PUS7: variants seen among roughly 807,000 people sequenced by gnomAD.
PUS7 encodes pseudouridylate synthase 7 homolog.
In PUS7, 48 loss-of-function variants were observed where a neutral mutation model predicts 79.8. The ratio of observed to expected loss-of-function variants is 0.60; its 90% CI spans 0.48 to 0.76. The LOEUF is 0.76. PUS7 is among the 30% of genes least tolerant of loss of function. PUS7 has a pLI of 0.00. For missense variants in PUS7, 729 were observed against 797.6 expected, an observed-to-expected ratio of 0.91 and a Z score of 1.04; for synonymous variants, 286 against 272.2, an observed-to-expected ratio of 1.05 and a Z score of -0.50.
In PUS7 at chr7:105,508,303, A is replaced by C. The variant is rs1490351095; in HGVS notation, c.210T>G (p.Gly70=). ...RPPDTVSTGK[G]GKNSEAQLED... is the part of the protein sequence containing the mutation. ...CCAACTGAGCCTCAGAATTCTTTCC[A>C]CCTTTCCCAGTACTGACAGTGTCAG... The change falls in exon 2 of 16, where the codon GGT becomes GGG. Residue 70 remains glycine (G), a synonymous_variant. Coordinates refer to ENST00000469408, the MANE Select transcript of PUS7 (RefSeq NM_019042.5). The C allele has an allele frequency of 8.1e-6, 13 of 1,613,866 alleles. No individual in the cohort carries two copies. Among genetic ancestry groups the C allele is most frequent in the Non-Finnish European group, 1.1e-5 (13 of 1,180,008 alleles).
intron 7 of PUS7, among the ~76,000 whole-genome samples, chr7:105,486,300 G>A (rs564860289): frequency 3.0e-4 from 45 of 151,044 alleles, no homozygotes; most frequent in Non-Finnish European, 5.8e-4. Context: ...TAATCTGCCC[G>A]CCTTAGCCTC....
rs34249093 is a variant in PUS7, at chr7:105,508,871, T to TAAAAAAAAAAAAAA, written c.-32-341_-32-328dup. ...TGGGCGACAGAGTGAGACATTGTCTTAAAAAAAAAAAAAAAAAAAAAAAAA... is the reference window on the plus strand; with the variant it reads ...TGGGCGACAGAGTGAGACATTGTCTTAAAAAAAAAAAAAAAAAAAAAAAAAAAAAAAAAAAAAAA... On this transcript the variant is annotated intron_variant, in intron 1 of 15. Transcript: ENST00000469408. 7.1e-3 allele frequency among the ~76,000 whole-genome samples: 163 copies of TAAAAAAAAAAAAAA among 22,924 alleles called. 9 individuals carry two copies. Among genetic ancestry groups the TAAAAAAAAAAAAAA allele is most frequent in the Non-Finnish European group, 0.01 (131 of 12,516 alleles). The allele number at this position is 22,924 out of a possible 152,430, so 15.0% of individuals were successfully genotyped here.
chr7:105,505,776 T>C (rs940591676), intron 4 of PUS7, among the ~76,000 whole-genome samples, 179 bp downstream of exon 4: 26 of 152,200 alleles, frequency 1.7e-4, no homozygotes, highest in African/African-American at 6.3e-4. Context: ...CTATAGTTTA[T>C]CTGGGATACT....
At chr7:105,507,129 T>A (rs189007695) in intron 2 of PUS7, among the ~76,000 whole-genome samples, 1 of 152,138 alleles carries the variant, frequency 6.6e-6, no homozygotes, top group Admixed American at 6.6e-5. Context: ...CACTGCAACC[T>A]CCGCCTCCTG....
At position 105,471,403 on chromosome 7, in the gene PUS7, T is replaced by C. The variant is rs545279863; in HGVS notation, c.1238-555A>G. 5.3e-5 allele frequency among the ~76,000 whole-genome samples: 8 copies of C among 152,348 alleles called. No homozygotes were observed. In the South Asian group the frequency reaches 1.7e-3, roughly 32 times the overall value. On this transcript the variant is annotated intron_variant, in intron 10 of 15. Coordinates refer to ENST00000469408, the MANE Select transcript of PUS7 (RefSeq NM_019042.5). ...TATGTTTTAACAAAATAACCACAAG[T>C]AAAATGTTTTAGATTCTTATACACT... is the stretch of plus-strand genomic sequence containing the variant.
chr7:105,499,513 ATTAAT>A (rs1206301649), intron 5 of PUS7, among the ~76,000 whole-genome samples: 11 of 152,336 alleles, frequency 7.2e-5, no homozygotes, highest in African/African-American at 1.2e-4. Flanking sequence ...CAAAATATAA[ATTAAT>A]TTATCAGTAA....
chr7:105,489,744 A>G (rs1168185776), intron 7 of PUS7, among the ~76,000 whole-genome samples: 1 of 152,192 alleles, frequency 6.6e-6, no homozygotes, highest in East Asian at 1.9e-4. Flanking sequence ...AAGTAGTGGG[A>G]AAGAAGCCCA....
intron 5 of PUS7, among the ~76,000 whole-genome samples, chr7:105,500,293 TAAC>T (rs765015908): frequency 4.6e-5 from 7 of 151,958 alleles, no homozygotes; most frequent in African/African-American, 1.2e-4. Flanking sequence ...GGAAACTTCG[TAAC>T]AACAACAACA....
intron 6 of PUS7, among the ~76,000 whole-genome samples, chr7:105,492,434 C>T (rs1345119114): frequency 1.3e-5 from 2 of 151,910 alleles, no homozygotes; most frequent in Non-Finnish European, 2.9e-5. Context: ...AAGCAATTCT[C>T]CTGCTTCAGC....
rs1823842630 is a variant in PUS7 at position 105,470,791 on chromosome 7, G to A, written c.1295C>T (p.Thr432Ile). Residue 432 changes from threonine (T) to isoleucine (I), a missense_variant, in exon 11 of 16, where the codon ACT becomes ATT. Physicochemically the swap from Thr to Ile is moderately conservative, Grantham distance 89. Coordinates refer to ENST00000469408, the MANE Select transcript of PUS7 (RefSeq NM_019042.5). ...REEWAKTKDP[T>I]AALRKLPVKR... ...GACAGGTAGTTTTCTGAGGGCAGCA[G>A]TTGGGTCTTTGGTCTTTGCCCATTC... 1.2e-6 allele frequency: 2 copies of A among 1,612,512 alleles called. No individual in the cohort carries two copies. Among genetic ancestry groups the A allele is most frequent in the Non-Finnish European group, 1.7e-6 (2 of 1,178,698 alleles).
At chr7:105,458,693 CT>C (rs1823291639) in intron 15 of PUS7, among the ~76,000 whole-genome samples, 2 of 151,742 alleles carry the variant, frequency 1.3e-5, no homozygotes, top group South Asian at 4.2e-4. Context: ...CTGCCTCAGC[CT>C]CTCCAAGTAG....
chr7:105,499,355 T>C (rs946369099), intron 5 of PUS7, among the ~76,000 whole-genome samples: 1 of 152,170 alleles, frequency 6.6e-6, no homozygotes, highest in Non-Finnish European at 1.5e-5. Flanking sequence ...TGAGTCTCTA[T>C]GGATTCCTAC....
chr7:105,477,487 C>T (rs901754816), intron 9 of PUS7, among the ~76,000 whole-genome samples: 1 of 151,660 alleles, frequency 6.6e-6, no homozygotes, highest in African/African-American at 2.4e-5. Flanking sequence ...CGACCTCAAG[C>T]AATCCGCCAC....
At chr7:105,517,244 C>A (rs1267022319) in intron 1 of PUS7, among the ~76,000 whole-genome samples, 1 of 151,380 alleles carries the variant, frequency 6.6e-6, no homozygotes, top group Non-Finnish European at 1.5e-5. Context: ...GCAACCTCCA[C>A]CTCCTGGGTT....
At chr7:105,496,226 T>TATATATATAG (rs1197032072) in intron 5 of PUS7, among the ~76,000 whole-genome samples, 1 of 81,144 alleles carries the variant, frequency 1.2e-5, no homozygotes, top group East Asian at 4.0e-4. Flanking sequence ...TATATATATA[T>TATATATATAG]AGAGAGAGAG....
intron 9 of PUS7, among the ~76,000 whole-genome samples, chr7:105,477,744 T>C (rs148636729): frequency 1.3e-5 from 2 of 149,520 alleles, no homozygotes; most frequent in African/African-American, 4.9e-5. Flanking sequence ...TCACTCCCCA[T>C]TGGTCCTGTT....
At chr7:105,517,247 C>T (rs1052584247) in intron 1 of PUS7, among the ~76,000 whole-genome samples, 1 of 151,898 alleles carries the variant, frequency 6.6e-6, no homozygotes, top group Non-Finnish European at 1.5e-5. Flanking sequence ...ACCTCCACCT[C>T]CTGGGTTCAA....
chr7:105,493,806 A>C (rs966195825), intron 6 of PUS7, among the ~76,000 whole-genome samples: 5 of 152,350 alleles, frequency 3.3e-5, no homozygotes, highest in African/African-American at 9.6e-5. Context: ...GAAAAAAAAC[A>C]AACTTGCCGA....
chr7:105,462,757 T>C lies in PUS7; in HGVS notation c.1628-7A>G, dbSNP rs1184727497. ...TCCCTGTAGGCTTCTTGAACTAATA[T>C]AAAATACAAAAAGTTAGTTGAAATG... On this transcript the variant is annotated splice_polypyrimidine_tract_variant and splice_region_variant and intron_variant, in intron 13 of 15. Coordinates refer to ENST00000469408, the MANE Select transcript of PUS7 (RefSeq NM_019042.5). 2.5e-6 allele frequency: 4 copies of C among 1,604,602 alleles called. No homozygotes were observed. The African/African-American group carries it at 5.4e-5, about 22-fold the overall frequency.
Sources: gnomAD v4.1 joint callset for allele counts (sites outside exome capture counted in the v4.1 genomes callset) on GRCh38, gnomAD v4.1.1 for gene constraint, MANE v1.5 for transcripts, NCBI Gene and HGNC (gene_info 2026-07-23, HGNC 2026-07-21) for gene names.